The following ARID5B variants were observed in gnomAD, a reference collection of about 807,000 sequenced individuals.
ARID5B encodes the protein AT-rich interaction domain 5B, also known as AT-rich interactive domain-containing protein 5B.
ARID5B carries 13 observed loss-of-function variants against 97.2 expected under a neutral mutation model. The observed-to-expected ratio is 0.13, with a 90% CI of 0.09 to 0.21. The LOEUF (loss-of-function observed/expected upper bound fraction) is 0.21. Among genes scored for constraint, ARID5B ranks in the 10% least tolerant of loss-of-function variants. The pLI, the probability that ARID5B is intolerant of heterozygous loss-of-function variation, is 1.00. For missense variants in ARID5B, 1,210 were observed against 1,465.3 expected (o/e 0.83, Z 2.84); for synonymous variants, 556 against 570.3 (o/e 0.97, Z 0.36).
chr10:62,081,070 T>C (rs1840207656), intron 8 of ARID5B, among the ~76,000 whole-genome samples: 2 of 152,216 alleles, frequency 1.3e-5, no homozygotes, highest in Non-Finnish European at 2.9e-5. Context: ...GCCAAAGTGC[T>C]GGGATTACAG....
At chr10:62,057,349 T>G in intron 6 of ARID5B, 31 bp downstream of exon 6, 4 of 1,580,120 alleles carry the variant, frequency 2.5e-6, no homozygotes, top group Non-Finnish European at 3.5e-6. Flanking sequence ...TTCTGAATTA[T>G]CAGAGCTGCT....
rs1259278991 is a variant in ARID5B at position 62,095,175 on chromosome 10, T to G, written c.*2145T>G. 1 of 232,930 alleles carries G rather than the reference T, an allele frequency of 4.3e-6. No individual in the cohort carries two copies. The highest frequency in any genetic ancestry group is 8.5e-6 in the Non-Finnish European group (1 of 117,632). 14.4% of individuals were successfully genotyped at this position (232,930 alleles called of 1,614,324 possible). On this transcript the variant is annotated 3_prime_UTR_variant, in exon 10 of 10. Transcript: ENST00000279873. ...TAGATTATAAATGTGTGAGTGCAGA[T>G]TATCCTGCTATTGCACAAGCTAGAG... is the stretch of plus-strand genomic sequence containing the variant.
intron 8 of ARID5B, among the ~76,000 whole-genome samples, chr10:62,074,609 G>A (rs969968717): frequency 6.6e-6 from 1 of 152,220 alleles, no homozygotes; most frequent in Non-Finnish European, 1.5e-5. Context: ...CATGGATAAA[G>A]GCTGGGGAAG....
At chr10:61,904,385 G>A (rs963594161) in intron 2 of ARID5B, among the ~76,000 whole-genome samples, 9 of 152,110 alleles carry the variant, frequency 5.9e-5, no homozygotes, top group Non-Finnish European at 1.2e-4. Flanking sequence ...TCTGATTTAA[G>A]AATAAAGGCT....
chr10:62,088,021 C>T (rs1157837608), intron 9 of ARID5B, among the ~76,000 whole-genome samples: 2 of 152,044 alleles, frequency 1.3e-5, no homozygotes, highest in South Asian at 2.1e-4. Context: ...TGCACCACCA[C>T]ACCCGGTTAA....
At chr10:62,015,687 G>T (rs766543435) in intron 4 of ARID5B, among the ~76,000 whole-genome samples, 6 of 152,008 alleles carry the variant, frequency 3.9e-5, no homozygotes, top group Admixed American at 1.3e-4. Context: ...GCAGTGGCGC[G>T]ATCTTGGCTC....
intron 8 of ARID5B, among the ~76,000 whole-genome samples, chr10:62,070,887 C>G (rs1840054433): frequency 6.6e-6 from 1 of 151,998 alleles, no homozygotes; most frequent in East Asian, 1.9e-4. Context: ...AAAAACTCAC[C>G]CATTCTCACT....
chr10:61,953,498 T>G (rs1838350905), intron 3 of ARID5B, among the ~76,000 whole-genome samples: 1 of 152,168 alleles, frequency 6.6e-6, no homozygotes, highest in Non-Finnish European at 1.5e-5. Context: ...TGATTTGTAT[T>G]AATGTTTTCC....
chr10:61,971,500 A>G (rs1838626262), intron 3 of ARID5B, among the ~76,000 whole-genome samples: 1 of 152,240 alleles, frequency 6.6e-6, no homozygotes, highest in Admixed American at 6.5e-5. Context: ...AGTATGTGTT[A>G]TCCGATGGAA....
intron 2 of ARID5B, among the ~76,000 whole-genome samples, chr10:61,936,888 C>T (rs1844314898): frequency 1.4e-5 from 2 of 143,328 alleles, no homozygotes. Context: ...CTTTGAAGTA[C>T]AAGGAGGCTG....
intron 2 of ARID5B, among the ~76,000 whole-genome samples, chr10:61,912,515 T>G (rs1318063515): frequency 6.6e-6 from 1 of 152,092 alleles, no homozygotes; most frequent in African/African-American, 2.4e-5. Context: ...CATCAAATCA[T>G]CACATTGTAT....
intron 3 of ARID5B, among the ~76,000 whole-genome samples, chr10:61,961,136 C>A (rs772905592): frequency 2.0e-4 from 31 of 152,066 alleles, no homozygotes; most frequent in Non-Finnish European, 3.7e-4. Context: ...ATAGTTCTTG[C>A]CATACCAATA....
intron 3 of ARID5B, among the ~76,000 whole-genome samples, chr10:61,967,792 A>G (rs1209537027): frequency 6.6e-6 from 1 of 152,218 alleles, no homozygotes; most frequent in African/African-American, 2.4e-5. Context: ...AACAGAAAAT[A>G]TAATGCTGGC....
chr10:62,056,768 C>G (rs1410695858), intron 5 of ARID5B, among the ~76,000 whole-genome samples: 1 of 152,164 alleles, frequency 6.6e-6, no homozygotes, highest in South Asian at 2.1e-4. Context: ...CTATGACCCA[C>G]TGGCTGGCAA....
At chr10:62,060,263 A>G (rs1839905368) in intron 7 of ARID5B, among the ~76,000 whole-genome samples, 1 of 152,226 alleles carries the variant, frequency 6.6e-6, no homozygotes, top group Non-Finnish European at 1.5e-5. Flanking sequence ...ACAAACTAAT[A>G]TAATGGTTTG....
intron 3 of ARID5B, among the ~76,000 whole-genome samples, chr10:61,944,821 T>C (rs1844474737): frequency 6.6e-6 from 1 of 152,204 alleles, no homozygotes; most frequent in Admixed American, 6.6e-5. Flanking sequence ...GATGGGCAGT[T>C]ATGAATGGTT....
chr10:62,054,776 G>T (rs1340445770), intron 5 of ARID5B, among the ~76,000 whole-genome samples: 3 of 151,030 alleles, frequency 2.0e-5, no homozygotes, highest in Non-Finnish European at 4.4e-5. Context: ...AGTCAGTTTT[G>T]TACACAAACC....
chr10:62,050,997 C>A lies in ARID5B; in HGVS notation c.843C>A (p.Ala281=), dbSNP rs757615225. ...SNNNSDGKAV[A]KVKCEARSAL... is the part of the protein sequence containing the mutation. ...ACAATTCCGATGGCAAAGCCGTTGC[C>A]AAGGTACGGTCATTCACTCCACGGT... The change falls in exon 5 of 10, where the codon GCC becomes GCA. Residue 281 remains alanine, a synonymous_variant. Transcript: ENST00000279873. 2.5e-6 allele frequency: 4 copies of A among 1,611,738 alleles called. No homozygotes were observed. In the South Asian group the frequency reaches 4.4e-5, roughly 18 times the overall value.
chr10:62,029,232 C>T (rs1839463127), intron 4 of ARID5B, among the ~76,000 whole-genome samples: 1 of 152,148 alleles, frequency 6.6e-6, no homozygotes, highest in Non-Finnish European at 1.5e-5. Context: ...TATCCATGTC[C>T]ACGTCATAGG....
Sources: allele counts gnomAD v4.1 joint callset (sites outside exome capture counted in the v4.1 genomes callset), GRCh38; gene constraint gnomAD v4.1.1; transcripts MANE v1.5; gene names NCBI Gene and HGNC (gene_info 2026-07-23, HGNC 2026-07-21).